Variants in SORCS2 observed in about 807,000 individuals in gnomAD.
SORCS2 encodes the protein VPS10 domain-containing receptor SorCS2.
A neutral mutation model predicts 141.6 loss-of-function variants in SORCS2; 100 were observed. That is an observed-to-expected ratio of 0.71 (90% CI 0.60 to 0.83). The LOEUF is 0.83. Ranked by LOEUF, SORCS2 falls within the 40% of genes least tolerant of loss-of-function variation. The probability of loss-of-function intolerance (pLI) is 0.00; values close to 1 mark genes in which losing one functional copy is unlikely to be tolerated. For synonymous variants in SORCS2, 789 were observed against 676.9 expected, an observed-to-expected ratio of 1.17 and a Z score of -2.57; for missense variants, 1,646 against 1,560.2, an observed-to-expected ratio of 1.05 and a Z score of -0.93.
chr4:7,702,905 G>T (rs1187889357), intron 12 of SORCS2, among the ~76,000 whole-genome samples: 3 of 152,216 alleles, frequency 2.0e-5, no homozygotes, highest in African/African-American at 7.2e-5. Context: ...TGTCAAATTG[G>T]GGTTTGCTTT....
intron 1 of SORCS2, among the ~76,000 whole-genome samples, chr4:7,230,688 A>AGCAGTGTCT (rs1711802440): frequency 1.2e-5 from 1 of 85,776 alleles, no homozygotes. Context: ...GTCTCTGGGC[A>AGCAGTGTCT]GGAGCAGTGT....
chr4:7,373,201 C>A (rs1722371567), intron 1 of SORCS2, among the ~76,000 whole-genome samples: 2 of 151,488 alleles, frequency 1.3e-5, no homozygotes, highest in South Asian at 4.2e-4. Flanking sequence ...TTCCCAACAC[C>A]AAGGTATGAG....
intron 14 of SORCS2, among the ~76,000 whole-genome samples, chr4:7,709,750 C>A (rs940248196): frequency 1.7e-4 from 26 of 152,184 alleles, no homozygotes; most frequent in Non-Finnish European, 2.9e-4. Flanking sequence ...CCACCTCTAA[C>A]CTGGCCAGAG....
chr4:7,375,922 C>T (rs894038053), intron 1 of SORCS2, among the ~76,000 whole-genome samples: 2 of 152,166 alleles, frequency 1.3e-5, no homozygotes, highest in African/African-American at 4.8e-5. Context: ...CTCTCTGGGC[C>T]TCAGTGGCAA....
rs144683860 is a variant in SORCS2, at chr4:7,287,347, G to A, written c.480+94221G>A. On this transcript the variant is annotated intron_variant, in intron 1 of 26. Coordinates refer to ENST00000507866, the MANE Select transcript of SORCS2 (RefSeq NM_020777.3). The stretch of plus-strand genomic sequence containing the variant: ...TACCCTGTCCCTCCTGGGTCCTCCC[G>A]TCTGGGTGCGTCCCAACGGGTTCTC... Among the ~76,000 whole-genome samples the A allele has an allele frequency of 3.5e-3, 530 of 152,318 alleles. 3 individuals carry two copies. The highest frequency in any genetic ancestry group is 5.2e-3 in the Non-Finnish European group (352 of 68,024).
intron 5 of SORCS2, among the ~76,000 whole-genome samples, chr4:7,659,886 C>A (rs1405221637): frequency 1.3e-5 from 2 of 152,226 alleles, no homozygotes; most frequent in African/African-American, 4.8e-5. Context: ...AGCTAGGAAA[C>A]AACCTGTGTG....
chr4:7,310,294 C>T (rs933937499), intron 1 of SORCS2, among the ~76,000 whole-genome samples: 1 of 152,186 alleles, frequency 6.6e-6, no homozygotes, highest in Non-Finnish European at 1.5e-5. Context: ...GAAACTCAGT[C>T]ACAGAGAAGT....
intron 3 of SORCS2, among the ~76,000 whole-genome samples, chr4:7,636,970 G>C (rs1720297963): frequency 6.6e-6 from 1 of 152,028 alleles, no homozygotes; most frequent in Non-Finnish European, 1.5e-5. Context: ...GCAATTCATG[G>C]CCGTGGTGAT....
intron 2 of SORCS2, among the ~76,000 whole-genome samples, chr4:7,488,139 A>G (rs999858519): frequency 1.3e-5 from 2 of 152,220 alleles, no homozygotes; most frequent in Non-Finnish European, 2.9e-5. Context: ...GAGTGTGGTC[A>G]TCAACTAGTG....
intron 1 of SORCS2, among the ~76,000 whole-genome samples, chr4:7,331,587 G>C (rs536196485): frequency 1.3e-5 from 2 of 152,162 alleles, no homozygotes; most frequent in Non-Finnish European, 2.9e-5. Flanking sequence ...TGGGGTGTGG[G>C]AGGGAAGGGC....
At chr4:7,234,211 C>A (rs1018242428) in intron 1 of SORCS2, among the ~76,000 whole-genome samples, 7 of 152,170 alleles carry the variant, frequency 4.6e-5, no homozygotes, top group African/African-American at 1.4e-4. Flanking sequence ...ACCTTGATTT[C>A]GAGATGTGCT....
chr4:7,249,050 T>C, intron 1 of SORCS2, among the ~76,000 whole-genome samples: 1 of 152,254 alleles, frequency 6.6e-6, no homozygotes, highest in Non-Finnish European at 1.5e-5. Flanking sequence ...TAGATAGTGC[T>C]GCAGTAACAA....
intron 2 of SORCS2, chr4:7,433,281 C>G: frequency 7.4e-7 from 1 of 1,358,526 alleles, no homozygotes; most frequent in Non-Finnish European, 9.5e-7. Context: ...TCATGGGCCT[C>G]GCTAGCAGGC....
intron 1 of SORCS2, among the ~76,000 whole-genome samples, chr4:7,349,857 G>A (rs527973609): frequency 1.3e-5 from 2 of 152,326 alleles, no homozygotes; most frequent in Admixed American, 1.3e-4. Context: ...CGCCCCTAGA[G>A]CTGCATCTCC....
At chr4:7,737,442 G>T (rs975509601) in intron 26 of SORCS2, among the ~76,000 whole-genome samples, 3 of 152,068 alleles carry the variant, frequency 2.0e-5, no homozygotes, top group African/African-American at 7.2e-5. Context: ...AAAAGCCCCC[G>T]ACAGCCCCAT....
At chr4:7,671,551 A>T (rs1435054609) in intron 8 of SORCS2, among the ~76,000 whole-genome samples, 1 of 152,204 alleles carries the variant, frequency 6.6e-6, no homozygotes, top group Non-Finnish European at 1.5e-5. Flanking sequence ...TCTGGAGCTA[A>T]AAAGAATAAT....
rs190410916 is a variant in SORCS2 at position 7,289,835 on chromosome 4, C to G, written c.480+96709C>G. Among the ~76,000 whole-genome samples, 4 of 152,320 alleles carry G rather than the reference C, an allele frequency of 2.6e-5. No individual in the cohort carries two copies. In the East Asian group the frequency reaches 7.7e-4, roughly 29 times the overall value. On this transcript the variant is annotated intron_variant, in intron 1 of 26. Transcript: ENST00000507866. Reference sequence around the variant, plus strand: ...GACGGCGCTCGGCTTGCGGCCCTTCCTCCCGAGACGCTGCAGGGCCTCCCC... The same window carrying G: ...GACGGCGCTCGGCTTGCGGCCCTTCGTCCCGAGACGCTGCAGGGCCTCCCC...
intron 3 of SORCS2, among the ~76,000 whole-genome samples, chr4:7,626,253 A>G (rs1719510115): frequency 6.6e-6 from 1 of 152,256 alleles, no homozygotes; most frequent in Admixed American, 6.5e-5. Flanking sequence ...TGTCTTGCTA[A>G]CAGACTTTCT....
At chr4:7,408,661 T>C (rs192288038) in intron 2 of SORCS2, among the ~76,000 whole-genome samples, 1 of 152,312 alleles carries the variant, frequency 6.6e-6, no homozygotes, top group Admixed American at 6.5e-5. Flanking sequence ...TTTTGGAAAG[T>C]TTTCTGTTAT....
Sources: gnomAD v4.1 joint callset for allele counts (sites outside exome capture counted in the v4.1 genomes callset) on GRCh38, gnomAD v4.1.1 for gene constraint, MANE v1.5 for transcripts, NCBI Gene and HGNC (gene_info 2026-07-23, HGNC 2026-07-21) for gene names.